Variants in CDH23 observed in about 807,000 individuals in gnomAD.
CDH23 encodes the protein cadherin related 23, also known as cadherin-23.
CDH23 carries 189 observed loss-of-function variants against 317.1 expected under a neutral mutation model. That is an observed-to-expected ratio of 0.60 (90% CI 0.53 to 0.67). CDH23 has a LOEUF of 0.67. Among genes scored for constraint, CDH23 ranks in the 30% least tolerant of loss-of-function variants. The pLI is 0.00. For missense variants in CDH23, 4,401 were observed against 4,592.4 expected, an observed-to-expected ratio of 0.96 and a Z score of 1.20; for synonymous variants, 1,839 against 1,876.8, an observed-to-expected ratio of 0.98 and a Z score of 0.52.
At chr10:71,809,370 G>A (rs1374334122) in intron 60 of CDH23, among the ~76,000 whole-genome samples, 1 of 151,746 alleles carries the variant, frequency 6.6e-6, no homozygotes, top group African/African-American at 2.4e-5. Context: ...GTACAGATGG[G>A]GTTTCATCAT....
At chr10:71,594,360 C>CCTCT (rs1355218939) in intron 9 of CDH23, among the ~76,000 whole-genome samples, 1 of 148,566 alleles carries the variant, frequency 6.7e-6, no homozygotes, top group Non-Finnish European at 1.5e-5. Context: ...TCTCTCCCTC[C>CCTCT]CTCTCTCTCT....
chr10:71,639,151 G>A (rs932473988), intron 11 of CDH23, among the ~76,000 whole-genome samples: 4 of 152,348 alleles, frequency 2.6e-5, no homozygotes, highest in African/African-American at 7.2e-5. Flanking sequence ...TCCGGGACCC[G>A]CGGTGGGCGC....
intron 14 of CDH23, among the ~76,000 whole-genome samples, chr10:71,666,589 A>C (rs80061714): frequency 0.018 from 2,675 of 151,364 alleles, 82 homozygotes; most frequent in African/African-American, 0.062. Flanking sequence ...GGGGAAAATC[A>C]AGGCTCCAAG....
chr10:71,419,060 G>T (rs951632608), intron 1 of CDH23, among the ~76,000 whole-genome samples: 1 of 152,240 alleles, frequency 6.6e-6, no homozygotes, highest in Admixed American at 6.5e-5. Flanking sequence ...GTGGGAAGGT[G>T]TTAGGGGTTT....
In CDH23 at chr10:71,511,200, C is replaced by A. The variant is rs780042651; in HGVS notation, c.417C>A (p.Val139=). 1 of 1,613,496 alleles carries A rather than the reference C, an allele frequency of 6.2e-7. No homozygotes were observed. The highest frequency in any genetic ancestry group is 8.5e-7 in the Non-Finnish European group (1 of 1,179,548). Reference sequence around the variant, plus strand: ...CATTTCACAATCAGCCCTACAGCGTCCGCATCCCTGAGGTAGGAGCCACTG... The same window carrying A: ...CATTTCACAATCAGCCCTACAGCGTACGCATCCCTGAGGTAGGAGCCACTG... ...APTFHNQPYS[V]RIPENTPVGT... Residue 139 remains valine, a synonymous_variant, in exon 6 of 70, where the codon GTC becomes GTA. Coordinates refer to ENST00000224721, the MANE Select transcript of CDH23 (RefSeq NM_022124.6).
At chr10:71,612,499 G>A (rs1589261914) in intron 9 of CDH23, among the ~76,000 whole-genome samples, 1 of 152,234 alleles carries the variant, frequency 6.6e-6, no homozygotes, top group Non-Finnish European at 1.5e-5. Flanking sequence ...ATTCAACAAG[G>A]GGCTTCAGGT....
intron 11 of CDH23, among the ~76,000 whole-genome samples, chr10:71,624,841 C>G (rs764404825): frequency 1.4e-4 from 22 of 152,006 alleles, no homozygotes; most frequent in Non-Finnish European, 2.6e-4. Context: ...GGTCACACAG[C>G]TAGTTGGTCT....
chr10:71,476,381 T>C (rs1247170821), intron 3 of CDH23, among the ~76,000 whole-genome samples: 1 of 152,114 alleles, frequency 6.6e-6, no homozygotes, highest in Non-Finnish European at 1.5e-5. Context: ...CTCACTGTAT[T>C]GAGAAGGAAC....
intron 38 of CDH23, chr10:71,750,015 T>A (rs1839954618): frequency 6.6e-6 from 1 of 151,918 alleles, no homozygotes; most frequent in Non-Finnish European, 1.5e-5. Context: ...CCTGTCCCCA[T>A]GCTCAGGCAC....
At position 71,646,480 on chromosome 10, in the gene CDH23, C is replaced by G. The variant is rs769176534; in HGVS notation, c.1312C>G (p.Pro438Ala). The G allele has an allele frequency of 6.2e-7, 1 of 1,613,812 alleles. No homozygotes were observed. The highest frequency in any genetic ancestry group is 1.3e-5 in the African/African-American group (1 of 74,918). ...CCAGCTCTTTGCCAATGAGAGTGTG[C>G]CTGACCATGTGGGCTATGCCAAGGT... is the stretch of plus-strand genomic sequence containing the variant. ...DFDLFANESV[P>A]DHVGYAKVKI... Residue 438 changes from proline to alanine, a missense_variant, in exon 14 of 70, where the codon CCT becomes GCT. Physicochemically the swap from Pro to Ala is conservative, Grantham distance 27 (BLOSUM62 -1). This residue lies in a region of CDH23 where 3,068 missense variants were observed against 3,203.3 expected (regional missense o/e 0.96). Coordinates refer to ENST00000224721, the MANE Select transcript of CDH23 (RefSeq NM_022124.6).
rs1349443408 is a variant in CDH23, at chr10:71,811,988, C to T, written c.9353C>T (p.Pro3118Leu). The T allele has an allele frequency of 2.5e-6, 4 of 1,613,814 alleles. No individual in the cohort carries two copies. The Admixed American group carries it at 6.7e-5, about 27-fold the overall frequency. ...NRGFIDIMDM[P>L]NTNKYSFDGA... ...GGCTTCATCGACATCATGGACATGCCTAACACCAACAAGTACTCCTTTGAT... is the reference window on the plus strand; with the variant it reads ...GGCTTCATCGACATCATGGACATGCTTAACACCAACAAGTACTCCTTTGAT... The change falls in exon 66 of 70, where the codon CCT becomes CTT. Residue 3118 changes from proline (P) to leucine (L), a missense_variant. This residue lies in a region of CDH23 where 1,144 missense variants were observed against 1,138.2 expected (regional missense o/e 1.01). Transcript: ENST00000224721.
chr10:71,727,211 G>C (rs985371246), intron 30 of CDH23, among the ~76,000 whole-genome samples: 2 of 152,198 alleles, frequency 1.3e-5, no homozygotes, highest in African/African-American at 4.8e-5. Flanking sequence ...GGAATTAGCC[G>C]ACTTGTTCAG....
In CDH23 at chr10:71,429,465, C is replaced by T. The variant is rs115731764; in HGVS notation, c.-5-10362C>T. On this transcript the variant is annotated intron_variant, in intron 1 of 69. Transcript: ENST00000224721. Reference sequence around the variant, plus strand: ...GCTCAGCATAAGAGGTGGGAGACCCCGCATGGGTGTGGACACATCATTCTT... The same window carrying T: ...GCTCAGCATAAGAGGTGGGAGACCCTGCATGGGTGTGGACACATCATTCTT... Among the ~76,000 whole-genome samples, 607 of 152,232 alleles carry T rather than the reference C, an allele frequency of 4.0e-3. 5 individuals are homozygous for T. The highest frequency in any genetic ancestry group is 0.014 in the African/African-American group (564 of 41,536).
At chr10:71,813,899 T>C (rs1842029790) in intron 69 of CDH23, among the ~76,000 whole-genome samples, 1 of 151,798 alleles carries the variant, frequency 6.6e-6, no homozygotes, top group African/African-American at 2.4e-5. Context: ...GAGTGAGACT[T>C]GTCTCAAAAA....
At chr10:71,739,611 C>T (rs556558182) in intron 35 of CDH23, 33 bp from the exon 36 acceptor site, 29 of 1,606,914 alleles carry the variant, frequency 1.8e-5, no homozygotes, top group African/African-American at 8.0e-5. Flanking sequence ...TCCTCCACAC[C>T]TGCTCACCCC....
intron 1 of CDH23, among the ~76,000 whole-genome samples, chr10:71,398,862 C>T (rs1847654880): frequency 6.6e-6 from 1 of 152,118 alleles, no homozygotes; most frequent in South Asian, 2.1e-4. Context: ...GGAAGCTCTG[C>T]CTCGAGTGCT....
Position 71,779,456 on chromosome 10 carries a change from G to C in CDH23, c.5368+9G>C. 1 of 1,590,844 alleles carries C rather than the reference G, an allele frequency of 6.3e-7. No homozygotes were observed. Among genetic ancestry groups the C allele is most frequent in the Non-Finnish European group, 8.6e-7 (1 of 1,162,880 alleles). On this transcript the variant is annotated intron_variant, in intron 41 of 69. Transcript: ENST00000224721. ...GGATGGAGACCCTCTGGGTGAGTGG[G>C]GCTTGGGGCATGCCACCCACAGGGT...
intron 6 of CDH23, among the ~76,000 whole-genome samples, chr10:71,542,008 C>A (rs1660338559): frequency 6.6e-6 from 1 of 152,150 alleles, no homozygotes; most frequent in African/African-American, 2.4e-5. Context: ...AGTTTGCTGA[C>A]CCCTGATTTA....
chr10:71,693,035 G>C (rs933765106), intron 20 of CDH23, among the ~76,000 whole-genome samples: 5 of 152,232 alleles, frequency 3.3e-5, no homozygotes, highest in African/African-American at 1.2e-4. Flanking sequence ...CGTCTGGGAA[G>C]GGCCATAATC....
Sources: gnomAD v4.1 joint callset for allele counts (sites outside exome capture counted in the v4.1 genomes callset) on GRCh38, gnomAD v4.1.1 for gene constraint, gnomAD v4.1.1 regional missense constraint, MANE v1.5 for transcripts, NCBI Gene and HGNC (gene_info 2026-07-23, HGNC 2026-07-21) for gene names.